FDX1: variants seen among roughly 807,000 people sequenced by gnomAD.
FDX1 encodes the protein adrenodoxin, mitochondrial.
A neutral mutation model predicts 14.9 loss-of-function variants in FDX1; 9 were observed. The observed-to-expected ratio is 0.60, with a 90% CI of 0.36 to 1.05. FDX1 has a LOEUF of 1.05. FDX1 is among the 50% of genes least tolerant of loss of function. FDX1 has a pLI of 0.01. For synonymous variants in FDX1, 92 were observed against 99.4 expected, an observed-to-expected ratio of 0.93 and a Z score of 0.44; for missense variants, 204 against 237.2, an observed-to-expected ratio of 0.86 and a Z score of 0.92.
chr11:110,435,943 G>T lies in FDX1; in HGVS notation c.295G>T (p.Asp99Tyr). The T allele has an allele frequency of 6.2e-7, 1 of 1,611,352 alleles. No homozygotes were observed. Among genetic ancestry groups the T allele is most frequent in the Non-Finnish European group, 8.5e-7 (1 of 1,179,026 alleles). ...AGATGTTGTGGTTGAAAATAATCTA[G>T]ATATTGATGGCTTTGGTGAGTATGA... ...LLDVVVENNL[D>Y]IDGFGACEGT... is the part of the protein sequence containing the mutation. Residue 99 changes from aspartate (D) to tyrosine (Y), a missense_variant, in exon 2 of 4, where the codon GAT becomes TAT. Asp to Tyr is a radical substitution (Grantham distance 160, BLOSUM62 -3). Transcript: ENST00000260270.
chr11:110,434,333 GA>G (rs1385833608), intron 1 of FDX1, among the ~76,000 whole-genome samples: 6 of 97,036 alleles, frequency 6.2e-5, no homozygotes, highest in Non-Finnish European at 1.3e-4. Context: ...TCGCCCTATT[GA>G]TTTTTTTTTT....
At chr11:110,443,266 C>G (rs1946416674) in intron 2 of FDX1, among the ~76,000 whole-genome samples, 2 of 150,720 alleles carry the variant, frequency 1.3e-5, no homozygotes. Flanking sequence ...TTACCCCTGC[C>G]CTGCCCCGCT....
In FDX1 at chr11:110,435,891, C is replaced by T. The variant is rs150960595; in HGVS notation, c.243C>T (p.Thr81=). 2.7e-5 allele frequency: 43 copies of T among 1,611,412 alleles called. No homozygotes were observed. The highest frequency in any genetic ancestry group is 2.4e-4 in the African/African-American group (18 of 74,772). Residue 81 remains threonine (T), a synonymous_variant, in exon 2 of 4, where the codon ACC becomes ACT. Transcript: ENST00000260270. ...FINRDGETLT[T]KGKVGDSLLD... is the part of the protein sequence containing the mutation. ...ACCGTGATGGTGAAACATTAACAACCAAAGGAAAAGTTGGTGATTCTCTGC... is the reference window on the plus strand; with the variant it reads ...ACCGTGATGGTGAAACATTAACAACTAAAGGAAAAGTTGGTGATTCTCTGC...
At chr11:110,451,716 G>T (rs1177804000) in intron 2 of FDX1, among the ~76,000 whole-genome samples, 1 of 152,158 alleles carries the variant, frequency 6.6e-6, no homozygotes, top group Non-Finnish European at 1.5e-5. Flanking sequence ...GCTGGATAAA[G>T]AAAATGTACA....
At chr11:110,461,673 A>G (rs926714792) in intron 3 of FDX1, among the ~76,000 whole-genome samples, 4 of 151,908 alleles carry the variant, frequency 2.6e-5, no homozygotes, top group African/African-American at 9.7e-5. Flanking sequence ...TTTTTAGACT[A>G]TTTTGAAAAG....
At chr11:110,444,706 G>GTATATATA (rs1196710627) in intron 2 of FDX1, among the ~76,000 whole-genome samples, 5 of 30,844 alleles carry the variant, frequency 1.6e-4, no homozygotes, top group Admixed American at 1.2e-3. Flanking sequence ...ATATATATAC[G>GTATATATA]TATATATATA....
At chr11:110,455,234 A>G (rs1273676901) in intron 2 of FDX1, among the ~76,000 whole-genome samples, 4 of 151,936 alleles carry the variant, frequency 2.6e-5, no homozygotes, top group Middle Eastern at 3.2e-3. Flanking sequence ...CTCGAACCTC[A>G]CGTGATCCAT....
intron 3 of FDX1, among the ~76,000 whole-genome samples, chr11:110,460,355 G>C (rs761204344): frequency 6.6e-6 from 1 of 152,202 alleles, no homozygotes; most frequent in South Asian, 2.1e-4. Flanking sequence ...GGCTCTGGCC[G>C]CTTTTCTGGC....
upstream of FDX1, among the ~76,000 whole-genome samples, chr11:110,429,599 C>G (rs376867208): frequency 1.3e-5 from 2 of 152,200 alleles, no homozygotes; most frequent in African/African-American, 4.8e-5. Flanking sequence ...CCAAAATTTC[C>G]CACTGTTTTT....
At chr11:110,444,643 TGTGTGTGTATATATATATATAC>T (rs1240008903) in intron 2 of FDX1, among the ~76,000 whole-genome samples, 10,964 of 113,808 alleles carry the variant, frequency 0.096, 1,321 homozygotes, top group East Asian at 0.3. Context: ...TGTGTGTGTG[TGTGTGTGTATATATATATATAC>T]GTATATATAT....
chr11:110,439,004 C>G (rs952808910), intron 2 of FDX1, among the ~76,000 whole-genome samples: 6 of 152,040 alleles, frequency 3.9e-5, no homozygotes, highest in African/African-American at 1.2e-4. Flanking sequence ...CTCCTGGGTT[C>G]AAGTGATTCT....
rs1314395727 is a variant in FDX1 at position 110,464,725 on chromosome 11, C to T, written c.*2257C>T. 1 of 152,182 alleles carries T rather than the reference C, an allele frequency of 6.6e-6. No homozygotes were observed. The highest frequency in any genetic ancestry group is 1.5e-5 in the Non-Finnish European group (1 of 68,034). 9.4% of individuals were successfully genotyped at this position (152,182 alleles called of 1,614,324 possible). A position where few individuals can be genotyped will look rare whatever the true frequency, so the allele number is the denominator to read the frequency against. ...TCTTTGTGTGTGGATTACCTAAACTCTCCTTCCAGAGCTACTTTAATGATT... is the reference window on the plus strand; with the variant it reads ...TCTTTGTGTGTGGATTACCTAAACTTTCCTTCCAGAGCTACTTTAATGATT... On this transcript the variant is annotated 3_prime_UTR_variant, in exon 4 of 4. Coordinates refer to ENST00000260270, the MANE Select transcript of FDX1 (RefSeq NM_004109.5).
In FDX1 at chr11:110,462,567, A is replaced by G. The variant is rs918012359; in HGVS notation, c.*99A>G. 2 of 535,020 alleles carry G rather than the reference A, an allele frequency of 3.7e-6. No individual in the cohort carries two copies. Among genetic ancestry groups the G allele is most frequent in the Non-Finnish European group, 6.4e-6 (2 of 310,804 alleles). The allele number at this position is 535,020 out of a possible 1,614,324, so 33.1% of individuals were successfully genotyped here. On this transcript the variant is annotated 3_prime_UTR_variant, in exon 4 of 4. Transcript: ENST00000260270. The stretch of plus-strand genomic sequence containing the variant: ...GAGAACATGGATGAGTGGACTTCAT[A>G]TTATGACTAGCTTTACTATTTTAAT...
chr11:110,447,458 CAAACAAA>C (rs1946459110), intron 2 of FDX1, among the ~76,000 whole-genome samples: 2 of 151,936 alleles, frequency 1.3e-5, no homozygotes, highest in Admixed American at 6.6e-5. Context: ...TTCAAACAAA[CAAACAAA>C]AAACCATGAG....
intron 2 of FDX1, among the ~76,000 whole-genome samples, chr11:110,441,998 G>A (rs529221455): frequency 1.3e-5 from 2 of 152,366 alleles, no homozygotes; most frequent in South Asian, 4.1e-4. Flanking sequence ...AGGGGCCAAT[G>A]TAGAGCTAGG....
intron 2 of FDX1, among the ~76,000 whole-genome samples, chr11:110,437,042 C>G (rs1396234602): frequency 6.6e-6 from 1 of 152,168 alleles, no homozygotes; most frequent in Non-Finnish European, 1.5e-5. Context: ...GTCACCCAGG[C>G]TGAAGTGCGG....
chr11:110,459,643 A>G (rs1946544423), intron 3 of FDX1, among the ~76,000 whole-genome samples: 1 of 152,244 alleles, frequency 6.6e-6, no homozygotes, highest in Non-Finnish European at 1.5e-5. Context: ...TTTCACCATC[A>G]GGGATATGTG....
chr11:110,429,886 C>A (rs113538296), upstream of FDX1: 4,070 of 326,734 alleles, frequency 0.012, 139 homozygotes, highest in African/African-American at 0.07. Flanking sequence ...GCGGCGTGGG[C>A]GTGAGAGGCG....
chr11:110,429,379 G>GT (rs147774842), upstream of FDX1, among the ~76,000 whole-genome samples: 20 of 152,166 alleles, frequency 1.3e-4, no homozygotes, highest in South Asian at 8.3e-4. Context: ...CATCTTTTCT[G>GT]TTTTTTGTGA....
Sources: gnomAD v4.1 joint callset for allele counts (sites outside exome capture counted in the v4.1 genomes callset) on GRCh38, gnomAD v4.1.1 for gene constraint, MANE v1.5 for transcripts, NCBI Gene and HGNC (gene_info 2026-07-23, HGNC 2026-07-21) for gene names.